MICU3: variants seen among roughly 807,000 people sequenced by gnomAD.
MICU3 encodes the protein mitochondrial calcium uptake 3.
MICU3 carries 62 observed loss-of-function variants against 66.5 expected under a neutral mutation model. The ratio of observed to expected loss-of-function variants is 0.93; its 90% confidence interval spans 0.76 to 1.15. The LOEUF is 1.15. MICU3 is among the 50% of genes most tolerant of loss of function. The probability of loss-of-function intolerance (pLI) is 0.00; values close to 1 mark genes in which losing one functional copy is unlikely to be tolerated. For missense variants in MICU3, 779 were observed against 664.4 expected, an observed-to-expected ratio of 1.17 and a Z score of -1.90; for synonymous variants, 308 against 240.7, an observed-to-expected ratio of 1.28 and a Z score of -2.59.
At chr8:17,036,846 A>T (rs1034246562) in intron 1 of MICU3, among the ~76,000 whole-genome samples, 10 of 152,192 alleles carry the variant, frequency 6.6e-5, no homozygotes, top group African/African-American at 2.4e-4. Flanking sequence ...GGTCGATGGC[A>T]CTGGGCACCG....
intron 1 of MICU3, among the ~76,000 whole-genome samples, chr8:17,047,636 G>A (rs533467375): frequency 1.0e-3 from 154 of 152,186 alleles, no homozygotes; most frequent in Non-Finnish European, 1.2e-3. Context: ...CGAATCCATC[G>A]CAACAGACAG....
rs371079251 is a variant in MICU3 at position 17,037,454 on chromosome 8, G to C, written c.381+9794G>C. Among the ~76,000 whole-genome samples the C allele has an allele frequency of 4.9e-4, 74 of 152,328 alleles. 3 individuals are homozygous for C. The highest frequency in any genetic ancestry group is 1.7e-3 in the African/African-American group (72 of 41,580). On this transcript the variant is annotated intron_variant, in intron 1 of 14. Coordinates refer to ENST00000318063, the MANE Select transcript of MICU3 (RefSeq NM_181723.3). ...CATGGCCAAAATGGGCCAATGTAGA[G>C]CTCAGGCCATTGCTTCAGAAGGTGC...
intron 14 of MICU3, among the ~76,000 whole-genome samples, chr8:17,119,172 G>A (rs1278351695): frequency 6.6e-6 from 1 of 152,096 alleles, no homozygotes; most frequent in Admixed American, 6.5e-5. Flanking sequence ...TTTAACAACA[G>A]AGAAAAATCA....
At chr8:17,067,122 C>A (rs1253482275) in intron 2 of MICU3, among the ~76,000 whole-genome samples, 1 of 148,262 alleles carries the variant, frequency 6.7e-6, no homozygotes, top group Non-Finnish European at 1.5e-5. Context: ...TCAAGATATT[C>A]ATAAATCCTG....
chr8:17,027,541 G>A lies in MICU3; in HGVS notation c.262G>A (p.Asp88Asn), dbSNP rs1234782646. 2 of 1,280,286 alleles carry A rather than the reference G, an allele frequency of 1.6e-6. No individual in the cohort carries two copies. The highest frequency in any genetic ancestry group is 3.1e-5 in the African/African-American group (2 of 64,600). 79.3% of individuals were successfully genotyped at this position (1,280,286 alleles called of 1,614,324 possible). A position where few individuals can be genotyped will look rare whatever the true frequency, so the allele number is the denominator to read the frequency against. ...CCTGGTATGCTACCAGCTGTACGGG[G>A]ACCCCAGGGCCGGCTCGCCGGCGAC... is the stretch of plus-strand genomic sequence containing the variant. Reference protein sequence around the residue: ...VGLVCYQLYGDPRAGSPATGR... With the variant: ...VGLVCYQLYGNPRAGSPATGR... Residue 88 changes from aspartate to asparagine, a missense_variant, in exon 1 of 15, where the codon GAC becomes AAC. Coordinates refer to ENST00000318063, the MANE Select transcript of MICU3 (RefSeq NM_181723.3).
Position 17,074,590 on chromosome 8 carries a change from C to CGTGTGTGT in MICU3, c.568-3156_568-3149dup, listed in dbSNP as rs35861279. Among the ~76,000 whole-genome samples the CGTGTGTGT allele has an allele frequency of 3.5e-3, 502 of 142,008 alleles. 2 individuals carry two copies. The highest frequency in any genetic ancestry group is 6.1e-3 in the African/African-American group (240 of 39,528). The allele number at this position is 142,008 out of a possible 152,430, so 93.2% of individuals were successfully genotyped here. The stretch of plus-strand genomic sequence containing the variant: ...GAATCAGACTAAAATGATGTTAAAA[C>CGTGTGTGT]GTGTGTGTGTGTGTGTGTGTGTGTG... On this transcript the variant is annotated intron_variant, in intron 3 of 14. Transcript: ENST00000318063.
intron 8 of MICU3, among the ~76,000 whole-genome samples, chr8:17,091,812 A>G (rs1318361444): frequency 6.6e-6 from 1 of 152,134 alleles, no homozygotes; most frequent in Non-Finnish European, 1.5e-5. Context: ...AATGTGTAAG[A>G]TGAAAATCTC....
chr8:17,029,516 AC>A (rs1232103085), intron 1 of MICU3, among the ~76,000 whole-genome samples: 1 of 152,252 alleles, frequency 6.6e-6, no homozygotes, highest in Admixed American at 6.5e-5. Flanking sequence ...TTTATTTTGT[AC>A]TTTTGTGCAG....
chr8:17,083,806 A>C (rs1280675169), intron 5 of MICU3, among the ~76,000 whole-genome samples: 4 of 152,088 alleles, frequency 2.6e-5, no homozygotes, highest in African/African-American at 9.7e-5. Flanking sequence ...AGATGTGTTG[A>C]AAAGTTACCT....
In MICU3 at chr8:17,027,504, G is replaced by C; in HGVS notation, c.225G>C (p.Gly75=). The change falls in exon 1 of 15, where the codon GGG becomes GGC. Residue 75 remains glycine (G), a synonymous_variant. Coordinates refer to ENST00000318063, the MANE Select transcript of MICU3 (RefSeq NM_181723.3). ...GELSVAAAAG[G]GLVGLVCYQL... ...TGAGCGTGGCGGCGGCGGCCGGCGG[G>C]GGGCTGGTCGGCCTGGTATGCTACC... The C allele has an allele frequency of 7.8e-7, 1 of 1,282,734 alleles. No homozygotes were observed. The highest frequency in any genetic ancestry group is 9.8e-7 in the Non-Finnish European group (1 of 1,019,522). The allele number at this position is 1,282,734 out of a possible 1,614,324, so 79.5% of individuals were successfully genotyped here. A position where few individuals can be genotyped will look rare whatever the true frequency, so the allele number is the denominator to read the frequency against.
chr8:17,124,556 A>T (rs2150851883), downstream of MICU3, among the ~76,000 whole-genome samples: 1 of 152,066 alleles, frequency 6.6e-6, no homozygotes, highest in East Asian at 1.9e-4. Flanking sequence ...TTATTCTAGG[A>T]TCTCCCCTCT....
At chr8:17,107,832 G>C (rs765326508) in intron 11 of MICU3, among the ~76,000 whole-genome samples, 1 of 152,198 alleles carries the variant, frequency 6.6e-6, no homozygotes, top group Non-Finnish European at 1.5e-5. Flanking sequence ...GTGACACTCA[G>C]ATGTGGTCTA....
chr8:17,116,379 A>T (rs920851477), intron 12 of MICU3, 64 bp from the exon 13 acceptor site: 31 of 1,070,652 alleles, frequency 2.9e-5, no homozygotes, highest in East Asian at 2.2e-4. Context: ...CAACCTTTCT[A>T]GTAATTAACA....
chr8:17,075,672 T>C (rs1820279443), intron 3 of MICU3, among the ~76,000 whole-genome samples: 1 of 152,174 alleles, frequency 6.6e-6, no homozygotes, highest in African/African-American at 2.4e-5. Context: ...AGAAACTAGA[T>C]TATTACTAAA....
At chr8:17,033,247 T>G (rs1812394913) in intron 1 of MICU3, among the ~76,000 whole-genome samples, 1 of 152,154 alleles carries the variant, frequency 6.6e-6, no homozygotes, top group South Asian at 2.1e-4. Context: ...GTGGAAAGAG[T>G]TAGCGAAGTT....
chr8:17,041,173 A>G (rs1013696833), intron 1 of MICU3, among the ~76,000 whole-genome samples: 2 of 152,118 alleles, frequency 1.3e-5, no homozygotes, highest in Non-Finnish European at 2.9e-5. Context: ...GAGAAGAGAA[A>G]AGCATCTAAG....
At chr8:17,038,666 G>C (rs142796801) in intron 1 of MICU3, among the ~76,000 whole-genome samples, 9 of 152,144 alleles carry the variant, frequency 5.9e-5, no homozygotes, top group African/African-American at 1.7e-4. Flanking sequence ...AGAGTCCGTC[G>C]ATGTGGCAGA....
intron 9 of MICU3, among the ~76,000 whole-genome samples, chr8:17,103,828 A>G (rs1801492765): frequency 1.3e-5 from 2 of 151,944 alleles, no homozygotes; most frequent in Admixed American, 1.3e-4. Context: ...TCAAGGTCAT[A>G]TTATTACTTT....
At chr8:17,064,463 C>G (rs1262603228) in intron 2 of MICU3, among the ~76,000 whole-genome samples, 1 of 152,116 alleles carries the variant, frequency 6.6e-6, no homozygotes, top group Admixed American at 6.6e-5. Flanking sequence ...TTAACACCAT[C>G]TTACTTTTGA....
Sources: allele counts gnomAD v4.1 joint callset (sites outside exome capture counted in the v4.1 genomes callset), GRCh38; gene constraint gnomAD v4.1.1; transcripts MANE v1.5; gene names NCBI Gene and HGNC (gene_info 2026-07-23, HGNC 2026-07-21).